REDIC1: variants seen among roughly 807,000 people sequenced by gnomAD.
The protein encoded by REDIC1 is HEI10 Interacting Protein 1.
At chr12:39,828,798 C>A in the REDIC1 span, among the ~76,000 whole-genome samples, 1 of 151,716 alleles carries the variant, frequency 6.6e-6, no homozygotes, top group African/African-American at 2.4e-5. Flanking sequence ...AATCAATTAA[C>A]TCACTAACAA....
At chr12:39,864,716 A>C in the REDIC1 span, 14 of 1,597,428 alleles carry the variant, frequency 8.8e-6, no homozygotes, top group Non-Finnish European at 1.2e-5. Context: ...CAAGCAAAAA[A>C]GTTACCAGAG....
At chr12:39,727,365 A>G in the REDIC1 span, among the ~76,000 whole-genome samples, 4 of 152,190 alleles carry the variant, frequency 2.6e-5, no homozygotes, top group African/African-American at 7.2e-5. Context: ...AGTTTTCTGC[A>G]TATGGCTAGC....
the REDIC1 span, among the ~76,000 whole-genome samples, chr12:39,777,849 C>G: frequency 6.6e-6 from 1 of 152,344 alleles, no homozygotes; most frequent in South Asian, 2.1e-4. Flanking sequence ...ACTCATTCTC[C>G]AAGTCCACGT....
the REDIC1 span, among the ~76,000 whole-genome samples, chr12:39,673,124 G>C: frequency 1.3e-5 from 2 of 152,140 alleles, no homozygotes; most frequent in East Asian, 1.9e-4. Flanking sequence ...GGGAGGCTAG[G>C]CCATCTGCCT....
chr12:39,801,759 A>AATCC, the REDIC1 span, among the ~76,000 whole-genome samples: 3 of 152,238 alleles, frequency 2.0e-5, no homozygotes, highest in African/African-American at 7.2e-5. Context: ...GGGCGGGCTT[A>AATCC]GAATCCAAAA....
the REDIC1 span, among the ~76,000 whole-genome samples, chr12:39,750,320 A>G: frequency 6.6e-6 from 1 of 152,164 alleles, no homozygotes; most frequent in Non-Finnish European, 1.5e-5. Context: ...CACAATTGCT[A>G]CAAAGAGAAT....
chr12:39,807,084 A>G, the REDIC1 span, among the ~76,000 whole-genome samples: 6 of 149,316 alleles, frequency 4.0e-5, no homozygotes, highest in Non-Finnish European at 7.4e-5. Context: ...CACTGAAAGT[A>G]ATTGCAACAC....
At chr12:39,702,154 G>T in the REDIC1 span, among the ~76,000 whole-genome samples, 11 of 152,100 alleles carry the variant, frequency 7.2e-5, no homozygotes, top group Non-Finnish European at 1.5e-4. Flanking sequence ...TTTGGGAGCT[G>T]GTTTTTTGAA....
chr12:39,646,557 C>T, the REDIC1 span: 1 of 1,230,572 alleles, frequency 8.1e-7, no homozygotes, highest in South Asian at 1.7e-5. Flanking sequence ...TTACCTTCTA[C>T]CCCCAGTTTT....
chr12:39,705,091 AT>A, the REDIC1 span, among the ~76,000 whole-genome samples: 2 of 150,908 alleles, frequency 1.3e-5, no homozygotes, highest in African/African-American at 4.9e-5. Flanking sequence ...ATAAAATTAA[AT>A]TAAAAAAATA....
the REDIC1 span, among the ~76,000 whole-genome samples, chr12:39,682,411 A>G: frequency 3.3e-5 from 5 of 152,124 alleles, no homozygotes; most frequent in Non-Finnish European, 5.9e-5. Context: ...TTATTTTCTT[A>G]CTCAATAAGT....
At chr12:39,715,020 T>G in the REDIC1 span, among the ~76,000 whole-genome samples, 2 of 152,048 alleles carry the variant, frequency 1.3e-5, no homozygotes, top group Non-Finnish European at 2.9e-5. Context: ...GGGTTGTCTG[T>G]TTACTTTTCT....
chr12:39,774,031 A>T, the REDIC1 span, among the ~76,000 whole-genome samples: 1 of 152,226 alleles, frequency 6.6e-6, no homozygotes, highest in South Asian at 2.1e-4. Flanking sequence ...CTATCACCTC[A>T]AAACATAGAT....
At chr12:39,673,331 G>A in the REDIC1 span, among the ~76,000 whole-genome samples, 3 of 152,198 alleles carry the variant, frequency 2.0e-5, no homozygotes, top group South Asian at 4.2e-4. Flanking sequence ...TAGTAGAGTC[G>A]GTCTGGCCCC....
chr12:39,652,951 A>G, the REDIC1 span, among the ~76,000 whole-genome samples: 105 of 152,110 alleles, frequency 6.9e-4, no homozygotes, highest in Non-Finnish European at 2.8e-4. Context: ...TTTTGAGATC[A>G]AAGAAGTGTA....
At chr12:39,782,810 G>A in the REDIC1 span, among the ~76,000 whole-genome samples, 1 of 152,314 alleles carries the variant, frequency 6.6e-6, no homozygotes, top group African/African-American at 2.4e-5. Flanking sequence ...GGCTGAGGTG[G>A]TCTCAGAGGG....
chr12:39,665,741 T>C, the REDIC1 span, among the ~76,000 whole-genome samples: 48 of 151,822 alleles, frequency 3.2e-4, no homozygotes, highest in Admixed American at 2.6e-3. Flanking sequence ...TATCCTCTTT[T>C]ATTTCATTGA....
At chr12:39,703,338 C>T in the REDIC1 span, among the ~76,000 whole-genome samples, 1 of 150,662 alleles carries the variant, frequency 6.6e-6, no homozygotes, top group South Asian at 2.1e-4. Flanking sequence ...TTCACAATTG[C>T]TTCCAAGAGA....
At chr12:39,641,228 C>G in the REDIC1 span, among the ~76,000 whole-genome samples, 1 of 151,886 alleles carries the variant, frequency 6.6e-6, no homozygotes, top group Admixed American at 6.6e-5. Flanking sequence ...CTGACCACTT[C>G]TCACTACCTG....
Sources: gnomAD v4.1 joint callset for allele counts (sites outside exome capture counted in the v4.1 genomes callset) on GRCh38, gnomAD v4.1.1 for gene constraint, MANE v1.5 for transcripts, NCBI Gene and HGNC (gene_info 2026-07-23, HGNC 2026-07-21) for gene names.